The following CLPB variants were observed in gnomAD, a reference collection of about 807,000 sequenced individuals.
CLPB encodes ClpB family mitochondrial disaggregase.
Under a neutral mutation model 78.4 loss-of-function variants are expected in CLPB, and 40 were observed. That is an observed-to-expected ratio of 0.51 (90% confidence interval 0.40 to 0.66). The LOEUF (loss-of-function observed/expected upper bound fraction) is 0.66. Among genes scored for constraint, CLPB ranks in the 30% least tolerant of loss-of-function variants. The pLI is 0.00. For missense variants in CLPB, 780 were observed against 886.9 expected, an observed-to-expected ratio of 0.88 and a Z score of 1.53; for synonymous variants, 333 against 348.0, an observed-to-expected ratio of 0.96 and a Z score of 0.48.
At chr11:72,335,136 G>C (rs1483812782) in intron 5 of CLPB, among the ~76,000 whole-genome samples, 6 of 151,956 alleles carry the variant, frequency 3.9e-5, no homozygotes, top group Non-Finnish European at 7.4e-5. Flanking sequence ...AGTGTGGGGG[G>C]GTGGGTGGTC....
At chr11:72,356,025 T>TCCC (rs1167802890) in intron 5 of CLPB, among the ~76,000 whole-genome samples, 1 of 152,130 alleles carries the variant, frequency 6.6e-6, no homozygotes, top group Non-Finnish European at 1.5e-5. Flanking sequence ...CTCATGCCTG[T>TCCC]AATCCCAGCA....
At chr11:72,363,033 G>A (rs1950869738) in intron 4 of CLPB, among the ~76,000 whole-genome samples, 1 of 152,128 alleles carries the variant, frequency 6.6e-6, no homozygotes, top group Admixed American at 6.5e-5. Context: ...GCGCATGCCT[G>A]TAGTCCCAGC....
chr11:72,344,945 TTATAA>T (rs1192279116), intron 5 of CLPB, among the ~76,000 whole-genome samples: 1 of 152,172 alleles, frequency 6.6e-6, no homozygotes, highest in African/African-American at 2.4e-5. Context: ...TCAAGTTCAC[TTATAA>T]TAAGATAATC....
chr11:72,424,716 C>T (rs560329362), intron 2 of CLPB, among the ~76,000 whole-genome samples: 206 of 152,262 alleles, frequency 1.4e-3, no homozygotes, highest in Middle Eastern at 3.4e-3. Flanking sequence ...GAAACCCTGT[C>T]TCTTTGTAAA....
At chr11:72,393,970 A>C (rs1208186810) in intron 3 of CLPB, among the ~76,000 whole-genome samples, 2 of 152,216 alleles carry the variant, frequency 1.3e-5, no homozygotes, top group African/African-American at 2.4e-5. Flanking sequence ...GACCTCAATG[A>C]AATCAGTGAT....
chr11:72,356,150 G>A (rs1950708578), intron 5 of CLPB, among the ~76,000 whole-genome samples: 1 of 152,140 alleles, frequency 6.6e-6, no homozygotes, highest in South Asian at 2.1e-4. Flanking sequence ...TGGGTGTGGT[G>A]GCACACGCCT....
At chr11:72,396,995 TAC>T (rs1709707810) in intron 3 of CLPB, among the ~76,000 whole-genome samples, 1 of 152,236 alleles carries the variant, frequency 6.6e-6, no homozygotes, top group African/African-American at 2.4e-5. Flanking sequence ...GATAATTATA[TAC>T]ATTCATGTAA....
chr11:72,406,123 C>T (rs868016939), intron 2 of CLPB, among the ~76,000 whole-genome samples: 4 of 151,936 alleles, frequency 2.6e-5, no homozygotes, highest in African/African-American at 4.8e-5. Flanking sequence ...ATTTGAAGGG[C>T]GAAGAGTACA....
At chr11:72,337,080 A>G (rs1231654873) in intron 5 of CLPB, 2 of 398,494 alleles carry the variant, frequency 5.0e-6, no homozygotes, top group Non-Finnish European at 8.8e-6. Flanking sequence ...TCCAGTATGT[A>G]TGGGGCTACT....
At position 72,310,037 on chromosome 11, in the gene CLPB, AG is replaced by A. The variant is rs539150288; in HGVS notation, c.989-1434del. 2.0e-5 allele frequency among the ~76,000 whole-genome samples: 3 copies of A among 152,330 alleles called. No homozygotes were observed. In the South Asian group the frequency reaches 6.2e-4, roughly 32 times the overall value. ...TGGTGATGGATCATGGAGGATGGGC[AG>A]GATTTGAAGAGGCAAAGGTGGCCAG... On this transcript the variant is annotated intron_variant, in intron 7 of 15. Coordinates refer to ENST00000538039, the MANE Select transcript of CLPB (RefSeq NM_001258392.3).
chr11:72,362,773 A>G (rs1437876817), intron 4 of CLPB, among the ~76,000 whole-genome samples: 2 of 152,194 alleles, frequency 1.3e-5, no homozygotes, highest in Non-Finnish European at 2.9e-5. Flanking sequence ...TTATCTCATC[A>G]TGGGCTTCCA....
At chr11:72,302,166 G>C (rs183529757) in intron 10 of CLPB, 138 bp downstream of exon 10, 8 of 1,004,144 alleles carry the variant, frequency 8.0e-6, no homozygotes, top group Non-Finnish European at 1.2e-5. Context: ...ACAAATCAGT[G>C]ACCCTGCTGC....
chr11:72,404,442 G>A (rs1238776341), intron 2 of CLPB, among the ~76,000 whole-genome samples: 1 of 152,232 alleles, frequency 6.6e-6, no homozygotes, highest in Non-Finnish European at 1.5e-5. Flanking sequence ...GCTGATGTTA[G>A]CAGGTAACTA....
At chr11:72,416,877 C>A (rs769097176) in intron 2 of CLPB, among the ~76,000 whole-genome samples, 1 of 152,112 alleles carries the variant, frequency 6.6e-6, no homozygotes, top group Non-Finnish European at 1.5e-5. Context: ...TACCACTCCA[C>A]ACACACTAGG....
chr11:72,309,970 C>T (rs78787391), intron 7 of CLPB, among the ~76,000 whole-genome samples: 77 of 152,238 alleles, frequency 5.1e-4, no homozygotes, highest in East Asian at 2.3e-3. Flanking sequence ...TTCAAAGAAA[C>T]GACTGCAGAG....
chr11:72,408,683 A>G lies in CLPB; in HGVS notation c.456-5631T>C, dbSNP rs570865313. On this transcript the variant is annotated intron_variant, in intron 2 of 15. Coordinates refer to ENST00000538039, the MANE Select transcript of CLPB (RefSeq NM_001258392.3). ...CTCTGTCTCAAAAAAAAAAAAAAAA[A>G]AAAAGAAAAGAAAAGACCACAAGAG... 4.7e-3 allele frequency among the ~76,000 whole-genome samples: 717 copies of G among 151,216 alleles called. 3 individuals are homozygous for G. Among genetic ancestry groups the G allele is most frequent in the Non-Finnish European group, 7.4e-3 (499 of 67,674 alleles).
chr11:72,316,790 G>C (rs1949950265), intron 7 of CLPB, among the ~76,000 whole-genome samples: 1 of 152,178 alleles, frequency 6.6e-6, no homozygotes, highest in African/African-American at 2.4e-5. Context: ...AAATGGAGTT[G>C]AGGGTAGCGG....
chr11:72,375,073 T>C (rs1460131196), intron 4 of CLPB, among the ~76,000 whole-genome samples: 2 of 152,222 alleles, frequency 1.3e-5, no homozygotes, highest in Admixed American at 1.3e-4. Flanking sequence ...AATATTCTGC[T>C]AATATCTATT....
chr11:72,349,422 A>G (rs1950573206), intron 5 of CLPB, among the ~76,000 whole-genome samples: 1 of 152,210 alleles, frequency 6.6e-6, no homozygotes, highest in South Asian at 2.1e-4. Context: ...ACCTATAGAG[A>G]ACATCCCTGC....
Sources: allele counts gnomAD v4.1 joint callset (sites outside exome capture counted in the v4.1 genomes callset), GRCh38; gene constraint gnomAD v4.1.1; transcripts MANE v1.5; gene names NCBI Gene and HGNC (gene_info 2026-07-23, HGNC 2026-07-21).